Variants in CDKAL1 observed in about 807,000 individuals in gnomAD.
CDKAL1 encodes the protein CDKAL1 threonylcarbamoyladenosine tRNA methylthiotransferase, also known as threonylcarbamoyladenosine tRNA methylthiotransferase.
In CDKAL1, 32 loss-of-function variants were observed where a neutral mutation model predicts 68.2. The observed-to-expected ratio is 0.47, with a 90% CI of 0.35 to 0.63. CDKAL1 has a LOEUF of 0.63. Ranked by LOEUF, CDKAL1 falls within the 30% of genes least tolerant of loss-of-function variation. The pLI is 0.00. For missense variants in CDKAL1, 606 were observed against 696.7 expected, an observed-to-expected ratio of 0.87 and a Z score of 1.47; for synonymous variants, 234 against 244.3, an observed-to-expected ratio of 0.96 and a Z score of 0.39.
At chr6:21,135,250 T>C (rs1775534204) in intron 13 of CDKAL1, among the ~76,000 whole-genome samples, 1 of 152,202 alleles carries the variant, frequency 6.6e-6, no homozygotes, top group Non-Finnish European at 1.5e-5. Context: ...AAAAGTTTAA[T>C]AACCTCAAGC....
intron 12 of CDKAL1, among the ~76,000 whole-genome samples, chr6:21,092,107 C>G (rs1229680811): frequency 1.3e-5 from 2 of 150,280 alleles, no homozygotes; most frequent in South Asian, 4.2e-4. Context: ...AGGATGGTCT[C>G]GATCTCCTGA....
At chr6:20,683,552 A>G (rs551393977) in intron 5 of CDKAL1, among the ~76,000 whole-genome samples, 3 of 152,194 alleles carry the variant, frequency 2.0e-5, no homozygotes, top group Admixed American at 6.5e-5. Flanking sequence ...TTTTTAAAAT[A>G]GATTTTATTT....
intron 8 of CDKAL1, among the ~76,000 whole-genome samples, chr6:20,799,048 T>TTTTG (rs1776249498): frequency 1.8e-5 from 2 of 111,004 alleles, no homozygotes; most frequent in Non-Finnish European, 3.6e-5. Flanking sequence ...GAGTTTTTTT[T>TTTTG]TTTTTTTTTT....
chr6:20,836,357 A>C (rs896536848), intron 8 of CDKAL1, among the ~76,000 whole-genome samples: 2 of 152,252 alleles, frequency 1.3e-5, no homozygotes, highest in African/African-American at 4.8e-5. Flanking sequence ...TAAGTTAGTT[A>C]TATATAAAAA....
intron 12 of CDKAL1, among the ~76,000 whole-genome samples, chr6:21,092,960 G>A (rs1023964167): frequency 6.6e-6 from 1 of 150,970 alleles, no homozygotes; most frequent in Non-Finnish European, 1.5e-5. Flanking sequence ...AAAAATAGAA[G>A]GAAAAATATA....
chr6:21,053,729 G>T (rs1417549369), intron 11 of CDKAL1, among the ~76,000 whole-genome samples: 1 of 152,030 alleles, frequency 6.6e-6, no homozygotes, highest in Non-Finnish European at 1.5e-5. Flanking sequence ...ACAATGTTAA[G>T]CAAATTTTAA....
chr6:20,826,743 A>G (rs1777518348), intron 8 of CDKAL1, among the ~76,000 whole-genome samples: 2 of 152,156 alleles, frequency 1.3e-5, no homozygotes, highest in African/African-American at 4.8e-5. Context: ...TCTCAACTGT[A>G]TATCTGTTTA....
intron 15 of CDKAL1, among the ~76,000 whole-genome samples, chr6:21,211,168 A>C (rs748857069): frequency 1.3e-5 from 2 of 152,216 alleles, no homozygotes; most frequent in Non-Finnish European, 2.9e-5. Flanking sequence ...AGAAGAACTT[A>C]ATCAGGCAAG....
chr6:21,021,567 G>A (rs769028374), intron 11 of CDKAL1, among the ~76,000 whole-genome samples: 10 of 151,972 alleles, frequency 6.6e-5, no homozygotes, highest in South Asian at 2.1e-4. Context: ...TAAGTTGAAC[G>A]TACAGTTCAG....
chr6:20,654,879 A>C (rs9368216), intron 5 of CDKAL1, among the ~76,000 whole-genome samples: 2 of 152,018 alleles, frequency 1.3e-5, no homozygotes, highest in Admixed American at 6.5e-5. Flanking sequence ...AAGGCTACCT[A>C]TTTGATAGTG....
chr6:20,749,953 G>A (rs118099849), intron 6 of CDKAL1, among the ~76,000 whole-genome samples: 13,593 of 151,426 alleles, frequency 0.09, 838 homozygotes, highest in East Asian at 0.34. Context: ...CAATCTTCCC[G>A]CCTCAGCCTC....
intron 8 of CDKAL1, among the ~76,000 whole-genome samples, chr6:20,790,236 C>T (rs1775840327): frequency 6.6e-6 from 1 of 152,162 alleles, no homozygotes; most frequent in African/African-American, 2.4e-5. Flanking sequence ...TATAAGCTCA[C>T]ATTGTATGAC....
intron 10 of CDKAL1, among the ~76,000 whole-genome samples, chr6:20,961,539 G>A (rs1486564356): frequency 6.6e-6 from 1 of 152,094 alleles, no homozygotes; most frequent in African/African-American, 2.4e-5. Context: ...AGGCCGAGGC[G>A]GGTGGATCAC....
At position 21,006,048 on chromosome 6, in the gene CDKAL1, CTT is replaced by C. The variant is rs1249700917; in HGVS notation, c.1055+5677_1055+5678del. Among the ~76,000 whole-genome samples the C allele has an allele frequency of 2.6e-5, 4 of 152,126 alleles. No homozygotes were observed. The East Asian group carries it at 7.7e-4, about 29-fold the overall frequency. On this transcript the variant is annotated intron_variant, in intron 11 of 15. Coordinates refer to ENST00000274695, the MANE Select transcript of CDKAL1 (RefSeq NM_017774.3). The stretch of plus-strand genomic sequence containing the variant: ...GACTGTGAGTGAGTCATTGAGCTAA[CTT>C]ATATCATCCAGCCCATCCTATGACC...
At chr6:20,626,226 G>A (rs909475507) in intron 4 of CDKAL1, among the ~76,000 whole-genome samples, 1 of 151,754 alleles carries the variant, frequency 6.6e-6, no homozygotes, top group Admixed American at 6.6e-5. Context: ...TACCTTCATT[G>A]CCTCATAAAT....
At chr6:21,019,727 A>G (rs1447371489) in intron 11 of CDKAL1, among the ~76,000 whole-genome samples, 1 of 152,192 alleles carries the variant, frequency 6.6e-6, no homozygotes, top group Non-Finnish European at 1.5e-5. Flanking sequence ...GGATATATAT[A>G]TAGGAATCAT....
intron 11 of CDKAL1, among the ~76,000 whole-genome samples, chr6:21,031,014 T>C (rs1769255399): frequency 6.6e-6 from 1 of 152,060 alleles, no homozygotes; most frequent in South Asian, 2.1e-4. Flanking sequence ...ATATATTATC[T>C]CATGGTTTCT....
chr6:21,172,053 A>G (rs1777408272), intron 13 of CDKAL1, among the ~76,000 whole-genome samples: 1 of 152,188 alleles, frequency 6.6e-6, no homozygotes. Context: ...GAACATACTG[A>G]TACATATGCA....
In CDKAL1 at chr6:21,202,585, A is replaced by G. The variant is rs534791633; in HGVS notation, c.1548+1311A>G. On this transcript the variant is annotated intron_variant, in intron 15 of 15. Transcript: ENST00000274695. The stretch of plus-strand genomic sequence containing the variant: ...TCCACATAGTGTGTTTTACAAGGTT[A>G]ATTTTAGATTGCCACAGTGAAAAGG... 2.0e-5 allele frequency among the ~76,000 whole-genome samples: 3 copies of G among 152,222 alleles called. No homozygotes were observed. In the East Asian group the frequency reaches 5.8e-4, roughly 29 times the overall value.
Sources: allele counts gnomAD v4.1 joint callset (sites outside exome capture counted in the v4.1 genomes callset), GRCh38; gene constraint gnomAD v4.1.1; transcripts MANE v1.5; gene names NCBI Gene and HGNC (gene_info 2026-07-23, HGNC 2026-07-21).